The following ZNF564 variants were observed in gnomAD, a reference collection of about 807,000 sequenced individuals.
ZNF564 encodes zinc finger protein 564.
ZNF564 carries 5 observed loss-of-function variants against 10.5 expected under a neutral mutation model. The observed-to-expected ratio is 0.48, with a 90% CI of 0.25 to 1.00. The LOEUF is 1.00. Among genes scored for constraint, ZNF564 ranks in the 50% least tolerant of loss-of-function variants. The probability of loss-of-function intolerance (pLI) is 0.16; values close to 1 mark genes in which losing one functional copy is unlikely to be tolerated. For missense variants in ZNF564, 603 were observed against 669.7 expected, an observed-to-expected ratio of 0.90 and a Z score of 1.10; for synonymous variants, 242 against 218.1, an observed-to-expected ratio of 1.11 and a Z score of -0.97.
chr19:12,526,415 G>A lies in ZNF564; in HGVS notation c.*31C>T, dbSNP rs1240517505. On this transcript the variant is annotated 3_prime_UTR_variant, in exon 4 of 4. Coordinates refer to ENST00000339282, the MANE Select transcript of ZNF564 (RefSeq NM_144976.4). ...AACTGAAGACTTTCCATATTCTTTA[G>A]ATATGTAGATACTTGTAGACCTGTC... 1.3e-6 allele frequency: 2 copies of A among 1,530,422 alleles called. No homozygotes were observed. The highest frequency in any genetic ancestry group is 1.3e-5 in the South Asian group (1 of 74,662). The allele number at this position is 1,530,422 out of a possible 1,614,324, so 94.8% of individuals were successfully genotyped here. A position where few individuals can be genotyped will look rare whatever the true frequency, so the allele number is the denominator to read the frequency against.
chr19:12,539,673 G>GA (rs2021999853), intron 1 of ZNF564, among the ~76,000 whole-genome samples: 1 of 112,432 alleles, frequency 8.9e-6, no homozygotes, highest in African/African-American at 3.3e-5. Context: ...CTCTCAAAAA[G>GA]ACAAAAAAGA....
intron 1 of ZNF564, chr19:12,548,876 G>C: frequency 2.8e-6 from 2 of 702,694 alleles, no homozygotes. Context: ...CAAAGGAGAA[G>C]ATATTTTAGA....
intron 1 of ZNF564, among the ~76,000 whole-genome samples, chr19:12,550,082 C>A (rs2022223441): frequency 6.6e-6 from 1 of 151,376 alleles, no homozygotes; most frequent in Non-Finnish European, 1.5e-5. Context: ...CACCTGAGGT[C>A]GGGAGTTCGA....
In ZNF564 at chr19:12,526,497, C is replaced by T; in HGVS notation, c.1611G>A (p.Val537=). 1.2e-6 allele frequency: 2 copies of T among 1,608,134 alleles called. No individual in the cohort carries two copies. The highest frequency in any genetic ancestry group is 8.5e-7 in the Non-Finnish European group (1 of 1,178,172). The part of the protein sequence containing the change: ...HNGDKPYVKN[V]GKLSFITQPS... ...GTTGTGTGATAAATGAAAGCTTTCC[C>T]ACATTCTTTACGTAAGGTTTATCTC... The change falls in exon 4 of 4, where the codon GTG becomes GTA. Residue 537 remains valine (V), a synonymous_variant. Coordinates refer to ENST00000339282, the MANE Select transcript of ZNF564 (RefSeq NM_144976.4).
intron 1 of ZNF564, among the ~76,000 whole-genome samples, chr19:12,536,182 T>C (rs2021908647): frequency 6.6e-6 from 1 of 152,074 alleles, no homozygotes; most frequent in Non-Finnish European, 1.5e-5. Flanking sequence ...TGAACCATGT[T>C]TTTTCTTTTT....
intron 1 of ZNF564, chr19:12,548,706 C>T (rs753524472): frequency 2.2e-5 from 15 of 685,780 alleles, no homozygotes; most frequent in Non-Finnish European, 2.9e-5. Flanking sequence ...ACAATAGAGA[C>T]CTCACATTAT....
rs772955261 is a variant in ZNF564, at chr19:12,527,176, C to A, written c.932G>T (p.Cys311Phe). 14 of 1,614,038 alleles carry A rather than the reference C, an allele frequency of 8.7e-6. No homozygotes were observed. Among genetic ancestry groups the A allele is most frequent in the Non-Finnish European group, 1.2e-5 (14 of 1,180,022 alleles). ...IRHTGDGPYK[C>F]KVCGRAFIFP... ...AATAAAGGCTCTCCCACATACTTTA[C>A]ATTTATAAGGTCCATCCCCAGTGTG... Residue 311 changes from cysteine to phenylalanine, a missense_variant, in exon 4 of 4, where the codon TGT becomes TTT. Physicochemically the swap from Cys to Phe is radical, Grantham distance 205. Coordinates refer to ENST00000339282, the MANE Select transcript of ZNF564 (RefSeq NM_144976.4).
At chr19:12,542,928 G>A (rs11879593) in intron 1 of ZNF564, among the ~76,000 whole-genome samples, 115 of 152,106 alleles carry the variant, frequency 7.6e-4, no homozygotes, top group African/African-American at 2.5e-3. Flanking sequence ...ATTGAATCCC[G>A]GAGGCAGAGT....
chr19:12,551,425 G>C lies in ZNF564; in HGVS notation c.-93C>G, dbSNP rs1034974033. Reference sequence around the variant, plus strand: ...GCCAGACGCTGCGGTGGAGCCACCGGGGCCACTGGAGAAGCGGAGACCGGA... The same window carrying C: ...GCCAGACGCTGCGGTGGAGCCACCGCGGCCACTGGAGAAGCGGAGACCGGA... On this transcript the variant is annotated 5_prime_UTR_variant, in exon 1 of 4. Coordinates refer to ENST00000339282, the MANE Select transcript of ZNF564 (RefSeq NM_144976.4). 8 of 1,462,704 alleles carry C rather than the reference G, an allele frequency of 5.5e-6. No individual in the cohort carries two copies. The highest frequency in any genetic ancestry group is 2.6e-5 in the Admixed American group (1 of 39,126). The allele number at this position is 1,462,704 out of a possible 1,614,324, so 90.6% of individuals were successfully genotyped here. A position where few individuals can be genotyped will look rare whatever the true frequency, so the allele number is the denominator to read the frequency against.
chr19:12,532,229 A>C (rs1006053363), intron 1 of ZNF564, among the ~76,000 whole-genome samples: 5 of 151,896 alleles, frequency 3.3e-5, no homozygotes, highest in Non-Finnish European at 4.4e-5. Context: ...CTCTATAAAA[A>C]AAATTTAAAA....
chr19:12,528,747 A>G, intron 1 of ZNF564, 51 bp from the exon 2 acceptor site: 1 of 1,570,550 alleles, frequency 6.4e-7, no homozygotes, highest in South Asian at 1.2e-5. Flanking sequence ...ATGACAGTAC[A>G]GGGATGTAAA....
Position 12,526,964 on chromosome 19 carries a change from T to A in ZNF564, c.1144A>T (p.Arg382Ter). The A allele has an allele frequency of 6.2e-7, 1 of 1,614,142 alleles. No individual in the cohort carries two copies. The highest frequency in any genetic ancestry group is 8.5e-7 in the Non-Finnish European group (1 of 1,180,030). The part of the protein sequence containing the change: ...KAFISLPSVR[R>*]HMIKHTGDGP... ...TCTCCAGTGTGCTTTATCATGTGTC[T>A]TCGGACACTTGGGAGAGAAATGAAG... Residue 382 changes from arginine to a stop codon, truncating the protein, a stop_gained, in exon 4 of 4, where the codon AGA becomes TGA. Transcript: ENST00000339282. LOFTEE classifies it low-confidence loss of function (END_TRUNC).
intron 1 of ZNF564, among the ~76,000 whole-genome samples, chr19:12,543,023 G>A (rs1405839021): frequency 2.6e-5 from 4 of 152,086 alleles, no homozygotes; most frequent in East Asian, 1.9e-4. Flanking sequence ...AGAAGGGGCC[G>A]GGCGCGGTGG....
intron 1 of ZNF564, among the ~76,000 whole-genome samples, chr19:12,546,996 T>C (rs1468908261): frequency 6.6e-6 from 1 of 152,186 alleles, no homozygotes; most frequent in African/African-American, 2.4e-5. Context: ...GATCCGATTT[T>C]GCACTTTCCA....
intron 1 of ZNF564, among the ~76,000 whole-genome samples, chr19:12,532,661 G>A (rs895950516): frequency 6.6e-6 from 1 of 151,060 alleles, no homozygotes; most frequent in Non-Finnish European, 1.5e-5. Context: ...GTTCAAGGCT[G>A]CAAAGAGCTA....
intron 1 of ZNF564, among the ~76,000 whole-genome samples, chr19:12,545,456 C>G (rs995435745): frequency 2.0e-5 from 3 of 152,002 alleles, no homozygotes; most frequent in African/African-American, 7.3e-5. Flanking sequence ...CCGACCAGTT[C>G]TAACAGCAGG....
At chr19:12,541,768 C>A (rs2022054531) in intron 1 of ZNF564, among the ~76,000 whole-genome samples, 1 of 151,920 alleles carries the variant, frequency 6.6e-6, no homozygotes, top group South Asian at 2.1e-4. Context: ...GTAATCCCAG[C>A]ACTTTGGGAG....
intron 1 of ZNF564, among the ~76,000 whole-genome samples, chr19:12,534,724 G>A (rs939105018): frequency 1.3e-5 from 2 of 152,180 alleles, no homozygotes. Context: ...TGAAGCAGGA[G>A]AATTGTCTGA....
chr19:12,550,055 G>A (rs2022222762), intron 1 of ZNF564, among the ~76,000 whole-genome samples: 1 of 152,064 alleles, frequency 6.6e-6, no homozygotes, highest in Non-Finnish European at 1.5e-5. Context: ...CACTTTGGGA[G>A]GCCGAGGCAG....
Sources: gnomAD v4.1 joint callset for allele counts (sites outside exome capture counted in the v4.1 genomes callset) on GRCh38, gnomAD v4.1.1 for gene constraint, MANE v1.5 for transcripts, NCBI Gene and HGNC (gene_info 2026-07-23, HGNC 2026-07-21) for gene names.